MFGE8: variants seen among roughly 807,000 people sequenced by gnomAD.
MFGE8 encodes milk fat globule EGF and factor V/VIII domain containing.
MFGE8 carries 34 observed loss-of-function variants against 42.6 expected under a neutral mutation model. The ratio of observed to expected loss-of-function variants is 0.80; its 90% CI spans 0.61 to 1.06. The LOEUF (loss-of-function observed/expected upper bound fraction) is 1.06. MFGE8 is among the 50% of genes least tolerant of loss of function. The probability of loss-of-function intolerance (pLI) is 0.00; values close to 1 mark genes in which losing one functional copy is unlikely to be tolerated. For synonymous variants in MFGE8, 230 were observed against 214.8 expected, an observed-to-expected ratio of 1.07 and a Z score of -0.62; for missense variants, 510 against 516.9, an observed-to-expected ratio of 0.99 and a Z score of 0.13.
chr15:88,912,630 G>C (rs1270809705), intron 1 of MFGE8: 2 of 985,354 alleles, frequency 2.0e-6, no homozygotes, highest in Non-Finnish European at 2.4e-6. Flanking sequence ...CCAAGGCCGC[G>C]GGAGGGAGGG....
chr15:88,912,176 C>G, intron 1 of MFGE8: 1 of 1,289,824 alleles, frequency 7.8e-7, no homozygotes, highest in Non-Finnish European at 1.0e-6. Context: ...GCCACATCAC[C>G]CTGTATAAAA....
chr15:88,910,693 A>T (rs1182680949), intron 1 of MFGE8: 1 of 154,476 alleles, frequency 6.5e-6, no homozygotes, highest in Non-Finnish European at 1.4e-5. Flanking sequence ...GGGGGGTGCC[A>T]GACTGGGCAA....
rs1216862253 is a variant in MFGE8, at chr15:88,909,898, G to T, written c.99C>A (p.His33Gln). 2 of 1,614,092 alleles carry T rather than the reference G, an allele frequency of 1.2e-6. No individual in the cohort carries two copies. The highest frequency in any genetic ancestry group is 1.1e-5 in the South Asian group (1 of 91,092). ...ALDICSKNPC[H>Q]NGGLCEEISQ... is the part of the protein sequence containing the mutation. ...AAATCTCCTCGCATAAACCACCGTTGTGGCAGGGGTTTTTGGAACAGATAT... is the reference window on the plus strand; with the variant it reads ...AAATCTCCTCGCATAAACCACCGTTTTGGCAGGGGTTTTTGGAACAGATAT... Residue 33 changes from histidine (H) to glutamine (Q), a missense_variant, in exon 2 of 8, where the codon CAC (histidine) becomes CAA (glutamine). Coordinates refer to ENST00000268150, the MANE Select transcript of MFGE8 (RefSeq NM_005928.4).
At chr15:88,911,483 G>A (rs1056395959) in intron 1 of MFGE8, among the ~76,000 whole-genome samples, 1 of 152,194 alleles carries the variant, frequency 6.6e-6, no homozygotes, top group East Asian at 1.9e-4. Context: ...AGCACTTTGG[G>A]AGGCCGAGGT....
At chr15:88,910,981 A>T (rs1160675476) in intron 1 of MFGE8, 1 of 152,238 alleles carries the variant, frequency 6.6e-6, no homozygotes, top group Non-Finnish European at 1.5e-5. Context: ...GTCAGTTCCA[A>T]TTGCGGGATG....
At position 88,909,897 on chromosome 15, in the gene MFGE8, T is replaced by A. The variant is rs764118626; in HGVS notation, c.100A>T (p.Asn34Tyr). ...GAAATCTCCTCGCATAAACCACCGT[T>A]GTGGCAGGGGTTTTTGGAACAGATA... ...LDICSKNPCH[N>Y]GGLCEEISQE... The change falls in exon 2 of 8, where the codon AAC becomes TAC. Residue 34 changes from asparagine (N) to tyrosine (Y), a missense_variant. By Grantham distance (143) the Asn-to-Tyr change is moderately radical. Coordinates refer to ENST00000268150, the MANE Select transcript of MFGE8 (RefSeq NM_005928.4). The A allele has an allele frequency of 6.2e-7, 1 of 1,614,066 alleles. No homozygotes were observed. Among genetic ancestry groups the A allele is most frequent in the Non-Finnish European group, 8.5e-7 (1 of 1,180,036 alleles).
At chr15:88,907,651 C>T (rs1418180481) in intron 2 of MFGE8, among the ~76,000 whole-genome samples, 4 of 151,700 alleles carry the variant, frequency 2.6e-5, no homozygotes, top group Non-Finnish European at 4.4e-5. Context: ...CCAGAGGATC[C>T]CAGCCAGGGT....
chr15:88,907,522 G>T (rs1379815376), intron 2 of MFGE8, 146 bp from the exon 3 acceptor site: 2 of 775,900 alleles, frequency 2.6e-6, no homozygotes, highest in East Asian at 5.3e-5. Flanking sequence ...TCAGAACAAA[G>T]ACCACAAAGG....
At position 88,898,981 on chromosome 15, in the gene MFGE8, G is replaced by C. The variant is rs1359431168; in HGVS notation, c.*414C>G. 3.6e-6 allele frequency: 1 copy of C among 279,692 alleles called. No homozygotes were observed. Among genetic ancestry groups the C allele is most frequent in the Non-Finnish European group, 7.0e-6 (1 of 142,802 alleles). The allele number at this position is 279,692 out of a possible 1,614,324, so 17.3% of individuals were successfully genotyped here. A position where few individuals can be genotyped will look rare whatever the true frequency, so the allele number is the denominator to read the frequency against. On this transcript the variant is annotated 3_prime_UTR_variant, in exon 8 of 8. Coordinates refer to ENST00000268150, the MANE Select transcript of MFGE8 (RefSeq NM_005928.4). ...GACGGGCAAGAGGCTGTTATCTCCA[G>C]CCTGGCGCTTCCGGGCCTTTCTTGA...
Position 88,899,755 on chromosome 15 carries a change from G to C in MFGE8, c.927C>G (p.Asn309Lys), listed in dbSNP as rs773381123. 1.2e-5 allele frequency: 19 copies of C among 1,614,046 alleles called. No individual in the cohort carries two copies. The Admixed American group carries it at 3.0e-4, about 25-fold the overall frequency. ...ATGCCACAAACTGGACAGAGCCAAA[G>C]TTACGGGCCCCCTGGGTGATGATGC... ...VTGIITQGARNFGSVQFVASY... is the reference protein window; with the variant it reads ...VTGIITQGARKFGSVQFVASY... Residue 309 changes from asparagine to lysine, a missense_variant, in exon 7 of 8, where the codon AAC becomes AAG. Coordinates refer to ENST00000268150, the MANE Select transcript of MFGE8 (RefSeq NM_005928.4). This position sits in a 1 kb window ranked among gnomAD's most constrained non-coding sequence, Gnocchi z 6.8.
At chr15:88,912,868 A>G (rs1899033177) in intron 1 of MFGE8, 1 of 985,336 alleles carries the variant, frequency 1.0e-6, no homozygotes, top group Non-Finnish European at 1.2e-6. Context: ...AGACTTATCC[A>G]TACTAGAGTC....
chr15:88,899,307 C>A lies in MFGE8; in HGVS notation c.*88G>T. On this transcript the variant is annotated 3_prime_UTR_variant, in exon 8 of 8. Coordinates refer to ENST00000268150, the MANE Select transcript of MFGE8 (RefSeq NM_005928.4). This position sits in a 1 kb window ranked among gnomAD's most constrained non-coding sequence, Gnocchi z 6.8. ...TGAACACCCTCCCCTTCCCCAGTCCCCAGCCCTATGGTGATTTAAAGGGGC... is the reference window on the plus strand; with the variant it reads ...TGAACACCCTCCCCTTCCCCAGTCCACAGCCCTATGGTGATTTAAAGGGGC... 1 of 1,575,040 alleles carries A rather than the reference C, an allele frequency of 6.3e-7. No individual in the cohort carries two copies.
In MFGE8 at chr15:88,906,872, G is replaced by C. The variant is rs1043371818; in HGVS notation, c.388-94C>G. ...CCATCCCTTCACTCCCCCACTGGGT[G>C]GGGGAACAACTCAAGCAAAACAGAG... On this transcript the variant is annotated intron_variant, in intron 3 of 7. Coordinates refer to ENST00000268150, the MANE Select transcript of MFGE8 (RefSeq NM_005928.4). The surrounding 1 kb of genome is among the most constrained non-coding windows in gnomAD (Gnocchi z 4.2). 2.0e-6 allele frequency: 3 copies of C among 1,502,148 alleles called. No homozygotes were observed. The highest frequency in any genetic ancestry group is 2.3e-5 in the East Asian group (1 of 43,910). The allele number at this position is 1,502,148 out of a possible 1,614,324, so 93.1% of individuals were successfully genotyped here.
rs766306313 is a variant in MFGE8 at position 88,909,917 on chromosome 15, C to A, written c.80G>T (p.Cys27Phe). 1.1e-5 allele frequency: 17 copies of A among 1,614,062 alleles called. No homozygotes were observed. Among genetic ancestry groups the A allele is most frequent in the Non-Finnish European group, 1.4e-5 (16 of 1,179,968 alleles). ...ACCGTTGTGGCAGGGGTTTTTGGAA[C>A]AGATATCTGGGGACAGAGACAGGTA... The part of the protein sequence containing the change: ...APSLLVALDI[C>F]SKNPCHNGGL... The change falls in exon 2 of 8, where the codon TGT (cysteine) becomes TTT (phenylalanine). Residue 27 changes from cysteine to phenylalanine, a missense_variant. Physicochemically the swap from Cys to Phe is radical, Grantham distance 205 (BLOSUM62 -2). Coordinates refer to ENST00000268150, the MANE Select transcript of MFGE8 (RefSeq NM_005928.4).
chr15:88,903,861 G>A lies in MFGE8; in HGVS notation c.685+1896C>T, dbSNP rs11073821. 35,072 of 152,362 alleles carry A rather than the reference G, an allele frequency of 0.23. 4,349 individuals are homozygous for A. The highest frequency in any genetic ancestry group is 0.28 in the Non-Finnish European group (18,848 of 68,112). 9.4% of individuals were successfully genotyped at this position (152,362 alleles called of 1,614,324 possible). ...CCTGGGGCTCTTCACCCACCAAGCT[G>A]CCCCTCCATCTCTTGGCTCCAGCTC... On this transcript the variant is annotated intron_variant, in intron 5 of 7. Coordinates refer to ENST00000268150, the MANE Select transcript of MFGE8 (RefSeq NM_005928.4). The surrounding 1 kb of genome is among the most constrained non-coding windows in gnomAD (Gnocchi z 4.9).
chr15:88,913,056 C>T (rs1899040434), intron 1 of MFGE8, 191 bp downstream of exon 1: 2 of 985,254 alleles, frequency 2.0e-6, no homozygotes, highest in Admixed American at 1.2e-4. Context: ...AAAGCCCCAG[C>T]GCAGAGACAG....
At chr15:88,909,716 A>G (rs1472954856) in intron 2 of MFGE8, 76 bp downstream of exon 2, 1 of 1,603,064 alleles carries the variant, frequency 6.2e-7, no homozygotes, top group African/African-American at 1.3e-5. Context: ...TAAGGCCAGC[A>G]TATGGCCTAT....
chr15:88,913,328 G>T lies in MFGE8; in HGVS notation c.-9C>A, dbSNP rs768858772. ...AGGCGGGGGCGCGGCATGCTGCGGG[G>T]ACGCGGGCGCTGGAATGGGCACGCT... On this transcript the variant is annotated 5_prime_UTR_variant, in exon 1 of 8. Transcript: ENST00000268150. The T allele has an allele frequency of 1.1e-5, 16 of 1,433,928 alleles. No homozygotes were observed. The South Asian group carries it at 2.2e-4, about 20-fold the overall frequency. The allele number at this position is 1,433,928 out of a possible 1,614,324, so 88.8% of individuals were successfully genotyped here.
chr15:88,901,247 A>ACATACACATTCACACACATT (rs1473004728), intron 6 of MFGE8, among the ~76,000 whole-genome samples: 5 of 50,984 alleles, frequency 9.8e-5, no homozygotes, highest in Admixed American at 2.1e-4. Context: ...ACACATTCAC[A>ACATACACATTCACACACATT]CGCACGCATT....
Sources: gnomAD v4.1 joint callset for allele counts (sites outside exome capture counted in the v4.1 genomes callset) on GRCh38, gnomAD v4.1.1 for gene constraint, Gnocchi (gnomAD v3.1) non-coding constraint, MANE v1.5 for transcripts, NCBI Gene and HGNC (gene_info 2026-07-23, HGNC 2026-07-21) for gene names.